RNGTT: variants seen among roughly 807,000 people sequenced by gnomAD.
The protein encoded by RNGTT is RNA guanylyltransferase and 5'-phosphatase, also known as mRNA-capping enzyme.
Under a neutral mutation model 79.3 loss-of-function variants are expected in RNGTT, and 33 were observed. That is an observed-to-expected ratio of 0.42 (90% CI 0.32 to 0.56). The LOEUF (loss-of-function observed/expected upper bound fraction) is 0.56. RNGTT is among the 20% of genes least tolerant of loss of function. The probability of loss-of-function intolerance (pLI) is 0.17; values close to 1 mark genes in which losing one functional copy is unlikely to be tolerated. For synonymous variants in RNGTT, 222 were observed against 235.9 expected (o/e 0.94, Z 0.54); for missense variants, 497 against 739.1 (o/e 0.67, Z 3.80).
At chr6:88,814,161 G>A (rs1037650756) in intron 11 of RNGTT, among the ~76,000 whole-genome samples, 12 of 152,026 alleles carry the variant, frequency 7.9e-5, no homozygotes, top group Non-Finnish European at 1.6e-4. Context: ...TATTATGAAA[G>A]GGGTAAGATT....
At chr6:88,830,348 G>C (rs1046580630) in intron 11 of RNGTT, among the ~76,000 whole-genome samples, 1 of 152,100 alleles carries the variant, frequency 6.6e-6, no homozygotes, top group Non-Finnish European at 1.5e-5. Flanking sequence ...ATGAAATTAA[G>C]GCAGAAATAA....
At chr6:88,694,514 A>C (rs1215157446) in intron 13 of RNGTT, among the ~76,000 whole-genome samples, 1 of 152,112 alleles carries the variant, frequency 6.6e-6, no homozygotes, top group Admixed American at 6.6e-5. Flanking sequence ...TAAAAAGTCC[A>C]TACTACCCAG....
intron 12 of RNGTT, among the ~76,000 whole-genome samples, chr6:88,784,875 A>G (rs1009500635): frequency 1.3e-5 from 2 of 152,166 alleles, no homozygotes; most frequent in African/African-American, 4.8e-5. Context: ...ATAATATGCT[A>G]TCTTTTTAAA....
At chr6:88,956,730 T>C (rs1248053474) in intron 1 of RNGTT, among the ~76,000 whole-genome samples, 1 of 152,080 alleles carries the variant, frequency 6.6e-6, no homozygotes, top group Non-Finnish European at 1.5e-5. Flanking sequence ...GCAGAGATGG[T>C]TTACCATACA....
chr6:88,780,496 T>C (rs1254796679), intron 12 of RNGTT, among the ~76,000 whole-genome samples: 1 of 152,190 alleles, frequency 6.6e-6, no homozygotes, highest in Non-Finnish European at 1.5e-5. Flanking sequence ...TTCTACATGT[T>C]CTCGTGTATA....
At chr6:88,823,790 T>C (rs1366269315) in intron 11 of RNGTT, among the ~76,000 whole-genome samples, 2 of 152,068 alleles carry the variant, frequency 1.3e-5, no homozygotes, top group Non-Finnish European at 2.9e-5. Context: ...CTAAATAAAA[T>C]GTTGTTGGAA....
chr6:88,684,973 G>T (rs1214067252), intron 13 of RNGTT, among the ~76,000 whole-genome samples: 8 of 152,076 alleles, frequency 5.3e-5, no homozygotes, highest in Non-Finnish European at 1.5e-5. Flanking sequence ...AGAAAGAAAT[G>T]ACCTATGAAG....
At chr6:88,951,802 G>A (rs1441939824) in intron 1 of RNGTT, among the ~76,000 whole-genome samples, 1 of 152,176 alleles carries the variant, frequency 6.6e-6, no homozygotes, top group Non-Finnish European at 1.5e-5. Context: ...AGCCATTCCT[G>A]ACTACATCTC....
chr6:88,629,687 G>A (rs544782917), intron 14 of RNGTT, among the ~76,000 whole-genome samples: 1 of 152,282 alleles, frequency 6.6e-6, no homozygotes, highest in Non-Finnish European at 1.5e-5. Context: ...CAAGTTTTCA[G>A]AGGATCTATT....
chr6:88,797,130 C>A (rs2127859684), intron 12 of RNGTT, among the ~76,000 whole-genome samples: 1 of 152,114 alleles, frequency 6.6e-6, no homozygotes, highest in East Asian at 1.9e-4. Flanking sequence ...ACGTGTTAAA[C>A]AAAATGTCTG....
Position 88,714,678 on chromosome 6 carries a change from G to A in RNGTT, c.1440-36259C>T, listed in dbSNP as rs1395572895. On this transcript the variant is annotated intron_variant, in intron 13 of 15. Transcript: ENST00000369485. The stretch of plus-strand genomic sequence containing the variant: ...GGGATGGTCTCGATCTCCTGACCTC[G>A]TGATCCGCCCGCCTCGGCCTCCCAA... 3.5e-5 allele frequency among the ~76,000 whole-genome samples: 5 copies of A among 142,612 alleles called. 1 individual carries two copies. The highest frequency in any genetic ancestry group is 1.2e-4 in the African/African-American group (4 of 33,640). 93.6% of individuals were successfully genotyped at this position (142,612 alleles called of 152,430 possible). A position where few individuals can be genotyped will look rare whatever the true frequency, so the allele number is the denominator to read the frequency against.
intron 14 of RNGTT, among the ~76,000 whole-genome samples, chr6:88,650,595 C>A (rs1272105604): frequency 1.3e-5 from 2 of 151,878 alleles, no homozygotes; most frequent in African/African-American, 4.8e-5. Flanking sequence ...GATGGCAAAA[C>A]CTACTTGAAA....
chr6:88,709,964 T>C (rs1021057198), intron 13 of RNGTT, among the ~76,000 whole-genome samples: 5 of 152,244 alleles, frequency 3.3e-5, no homozygotes, highest in Non-Finnish European at 7.3e-5. Context: ...TGTTTGTATA[T>C]AAACAAATGC....
intron 13 of RNGTT, among the ~76,000 whole-genome samples, chr6:88,740,899 A>G (rs531664914): frequency 6.6e-6 from 1 of 152,310 alleles, no homozygotes; most frequent in South Asian, 2.1e-4. Context: ...AAATTTTTAA[A>G]AAAAAGAAAT....
chr6:88,658,879 G>C (rs1774079530), intron 14 of RNGTT, among the ~76,000 whole-genome samples: 1 of 152,188 alleles, frequency 6.6e-6, no homozygotes, highest in Non-Finnish European at 1.5e-5. Flanking sequence ...GATTTGTCAG[G>C]GGCTCTCGGG....
intron 13 of RNGTT, among the ~76,000 whole-genome samples, chr6:88,688,370 A>C (rs918067181): frequency 6.6e-6 from 1 of 152,224 alleles, no homozygotes; most frequent in African/African-American, 2.4e-5. Context: ...AAATACAAAT[A>C]TACACGTAGG....
At chr6:88,716,756 G>A (rs1438773796) in intron 13 of RNGTT, among the ~76,000 whole-genome samples, 1 of 152,102 alleles carries the variant, frequency 6.6e-6, no homozygotes, top group Non-Finnish European at 1.5e-5. Context: ...TCATAGATGG[G>A]AACTGAACAA....
At chr6:88,843,851 T>C (rs1363042696) in intron 11 of RNGTT, among the ~76,000 whole-genome samples, 2 of 151,110 alleles carry the variant, frequency 1.3e-5, no homozygotes, top group South Asian at 2.1e-4. Flanking sequence ...CCACCGAGCC[T>C]GGCCTTAGTA....
At chr6:88,747,862 A>G (rs1422145952) in intron 13 of RNGTT, among the ~76,000 whole-genome samples, 1 of 152,208 alleles carries the variant, frequency 6.6e-6, no homozygotes, top group Non-Finnish European at 1.5e-5. Context: ...AGCAATGATT[A>G]TGTATATATC....
Sources: allele counts gnomAD v4.1 joint callset (sites outside exome capture counted in the v4.1 genomes callset), GRCh38; gene constraint gnomAD v4.1.1; transcripts MANE v1.5; gene names NCBI Gene and HGNC (gene_info 2026-07-23, HGNC 2026-07-21).